Variants in LTBP1 observed in about 807,000 individuals in gnomAD.
LTBP1 encodes latent-transforming growth factor beta-binding protein 1.
A neutral mutation model predicts 207.6 loss-of-function variants in LTBP1; 129 were observed. That is an observed-to-expected ratio of 0.62 (90% CI 0.54 to 0.72). LTBP1 has a LOEUF of 0.72. Among genes scored for constraint, LTBP1 ranks in the 30% least tolerant of loss-of-function variants. LTBP1 has a pLI of 0.00. For missense variants in LTBP1, 2,281 were observed against 2,217.2 expected (o/e 1.03, Z -0.58); for synonymous variants, 963 against 833.7 (o/e 1.16, Z -2.67).
At chr2:33,206,516 G>A (rs1396527534) in intron 7 of LTBP1, among the ~76,000 whole-genome samples, 5 of 152,032 alleles carry the variant, frequency 3.3e-5, no homozygotes, top group East Asian at 3.9e-4. Context: ...CGAGGCGGGC[G>A]GATCACGAGG....
chr2:33,175,544 A>C (rs1051138491), intron 5 of LTBP1, among the ~76,000 whole-genome samples: 1 of 152,228 alleles, frequency 6.6e-6, no homozygotes, highest in Non-Finnish European at 1.5e-5. Context: ...GAAAGCTTTT[A>C]CACTGTTGGT....
At chr2:33,228,111 C>G (rs2091557401) in intron 9 of LTBP1, among the ~76,000 whole-genome samples, 1 of 151,996 alleles carries the variant, frequency 6.6e-6, no homozygotes, top group African/African-American at 2.4e-5. Context: ...GGCCAAGAAG[C>G]TCTTATTATA....
chr2:33,377,851 A>G (rs183115413), intron 31 of LTBP1, among the ~76,000 whole-genome samples: 21 of 152,268 alleles, frequency 1.4e-4, no homozygotes, highest in Admixed American at 7.8e-4. Flanking sequence ...GGACAGAAGG[A>G]GAGAAAGAGC....
At chr2:33,150,227 G>A (rs900341480) in intron 5 of LTBP1, among the ~76,000 whole-genome samples, 30 of 152,064 alleles carry the variant, frequency 2.0e-4, no homozygotes, top group African/African-American at 7.3e-4. Context: ...CATCTTGCCT[G>A]GGAGACTTGG....
chr2:33,315,223 C>T lies in LTBP1; in HGVS notation c.3684C>T (p.Val1228=), dbSNP rs780680114. 6.2e-7 allele frequency: 1 copy of T among 1,613,760 alleles called. No individual in the cohort carries two copies. Among genetic ancestry groups the T allele is most frequent in the Non-Finnish European group, 8.5e-7 (1 of 1,179,914 alleles). ...CLNTEGSFHC[V]CQQGFSISAD... is the part of the protein sequence containing the mutation. Reference sequence around the variant, plus strand: ...ACACAGAGGGTTCTTTCCATTGTGTCTGCCAGCAGGGTTTCTCAATCTCTG... The same window carrying T: ...ACACAGAGGGTTCTTTCCATTGTGTTTGCCAGCAGGGTTTCTCAATCTCTG... Residue 1228 remains valine (V), a synonymous_variant, in exon 24 of 34, where the codon GTC becomes GTT. Coordinates refer to ENST00000404816, the MANE Select transcript of LTBP1 (RefSeq NM_206943.4).
intron 3 of LTBP1, among the ~76,000 whole-genome samples, chr2:33,065,710 C>A (rs1288578507): frequency 6.6e-6 from 1 of 152,080 alleles, no homozygotes; most frequent in Non-Finnish European, 1.5e-5. Context: ...GTTATGATGG[C>A]CTCCAAAAAC....
At chr2:33,135,489 G>A (rs4670256) in intron 5 of LTBP1, among the ~76,000 whole-genome samples, 18,362 of 152,142 alleles carry the variant, frequency 0.12, 1,714 homozygotes, top group East Asian at 0.48. Flanking sequence ...TTTCTGCTCC[G>A]TCTCACAAGA....
chr2:33,151,707 T>A (rs1184059066), intron 5 of LTBP1, among the ~76,000 whole-genome samples: 1 of 152,136 alleles, frequency 6.6e-6, no homozygotes, highest in African/African-American at 2.4e-5. Context: ...AGTGAAAACA[T>A]ACGATGTTTG....
intron 15 of LTBP1, among the ~76,000 whole-genome samples, chr2:33,272,158 T>A (rs1304110129): frequency 6.6e-6 from 1 of 152,196 alleles, no homozygotes; most frequent in Non-Finnish European, 1.5e-5. Context: ...TTATGAAAAA[T>A]GAAGCATGTG....
At chr2:33,094,971 A>G (rs1221214007) in intron 3 of LTBP1, among the ~76,000 whole-genome samples, 2 of 152,234 alleles carry the variant, frequency 1.3e-5, no homozygotes, top group African/African-American at 4.8e-5. Context: ...TATACACTAT[A>G]TAGTTTTTCT....
At position 33,134,552 on chromosome 2, in the gene LTBP1, G is replaced by A; in HGVS notation, c.1034-241G>A. 6.6e-7 allele frequency: 1 copy of A among 1,525,358 alleles called. No homozygotes were observed. The highest frequency in any genetic ancestry group is 1.2e-5 in the South Asian group (1 of 82,950). The allele number at this position is 1,525,358 out of a possible 1,614,324, so 94.5% of individuals were successfully genotyped here. ...ACTCGACTTCAAATGTGGTTTTGGA[G>A]TGCATCCCAGAGTTCTGTTTGCTAA... On this transcript the variant is annotated intron_variant, in intron 4 of 33. Coordinates refer to ENST00000404816, the MANE Select transcript of LTBP1 (RefSeq NM_206943.4). The surrounding 1 kb of genome is among the most constrained non-coding windows in gnomAD (Gnocchi z 4.4).
At chr2:33,039,142 G>T (rs2149388184) in intron 3 of LTBP1, among the ~76,000 whole-genome samples, 1 of 152,300 alleles carries the variant, frequency 6.6e-6, no homozygotes. Context: ...ATTGGCCTTT[G>T]TGTGTTATAA....
Position 33,309,463 on chromosome 2 carries a change from G to A in LTBP1, c.3511G>A (p.Val1171Ile), listed in dbSNP as rs1478821954. Reference sequence around the variant, plus strand: ...CAATGAATGCTTGGAGGACAAGAGTGTTTGCCAGAGAGGAGACTGCATTAA... The same window carrying A: ...CAATGAATGCTTGGAGGACAAGAGTATTTGCCAGAGAGGAGACTGCATTAA... ...DINECLEDKS[V>I]CQRGDCINTA... The change falls in exon 23 of 34, where the codon GTT becomes ATT. Residue 1171 changes from valine to isoleucine, a missense_variant. Val to Ile is a conservative substitution (Grantham distance 29). Coordinates refer to ENST00000404816, the MANE Select transcript of LTBP1 (RefSeq NM_206943.4). The A allele has an allele frequency of 6.2e-7, 1 of 1,609,202 alleles. No homozygotes were observed. Among genetic ancestry groups the A allele is most frequent in the Admixed American group, 1.7e-5 (1 of 59,012 alleles).
chr2:33,301,577 T>G lies in LTBP1; in HGVS notation c.3414T>G (p.Thr1138=). 1 of 1,613,272 alleles carries G rather than the reference T, an allele frequency of 6.2e-7. No individual in the cohort carries two copies. The highest frequency in any genetic ancestry group is 8.5e-7 in the Non-Finnish European group (1 of 1,179,618). The change falls in exon 22 of 34, where the codon ACT becomes ACG. Residue 1138 remains threonine (T), a synonymous_variant. Transcript: ENST00000404816. The stretch of plus-strand genomic sequence containing the variant: ...GTGCTCATGGGCAGTGCAGGAACAC[T>G]GAGGGCTCTTTTCAATGTGTGTGTG... The part of the protein sequence containing the change: ...HLCAHGQCRN[T]EGSFQCVCDQ...
intron 4 of LTBP1, among the ~76,000 whole-genome samples, chr2:33,112,901 A>G (rs2080500895): frequency 1.3e-5 from 2 of 152,242 alleles, no homozygotes; most frequent in Admixed American, 6.5e-5. Context: ...AAGCTTTTAT[A>G]GCATCTTCAT....
intron 10 of LTBP1, among the ~76,000 whole-genome samples, chr2:33,251,659 A>G (rs1326928247): frequency 1.8e-5 from 2 of 111,658 alleles, no homozygotes; most frequent in African/African-American, 4.5e-5. Context: ...AGTGAGACTC[A>G]GTCTCAAAAA....
intron 5 of LTBP1, among the ~76,000 whole-genome samples, chr2:33,182,735 CAGACATAT>C (rs776265893): frequency 0.03 from 2,558 of 84,672 alleles, 333 homozygotes; most frequent in African/African-American, 0.1. Context: ...CACACACACA[CAGACATAT>C]ATATGTATGT....
In LTBP1 at chr2:33,214,573, G is replaced by A. The variant is rs1391840312; in HGVS notation, c.1702-2979G>A. On this transcript the variant is annotated intron_variant, in intron 7 of 33. Transcript: ENST00000404816. Reference sequence around the variant, plus strand: ...GAGACTGTTCATCTGTGGCCCTGCCGCTGTTCCAACCTCGGGGACTTTCCC... The same window carrying A: ...GAGACTGTTCATCTGTGGCCCTGCCACTGTTCCAACCTCGGGGACTTTCCC... 2.0e-5 allele frequency among the ~76,000 whole-genome samples: 3 copies of A among 152,090 alleles called. No individual in the cohort carries two copies. The South Asian group carries it at 6.2e-4, about 32-fold the overall frequency.
chr2:32,986,406 T>C (rs1683574537), intron 2 of LTBP1, among the ~76,000 whole-genome samples: 1 of 152,150 alleles, frequency 6.6e-6, no homozygotes, highest in Non-Finnish European at 1.5e-5. Context: ...ACAGACTGAC[T>C]TAAATAAAAG....
Sources: gnomAD v4.1 joint callset for allele counts (sites outside exome capture counted in the v4.1 genomes callset) on GRCh38, gnomAD v4.1.1 for gene constraint, Gnocchi (gnomAD v3.1) non-coding constraint, MANE v1.5 for transcripts, NCBI Gene and HGNC (gene_info 2026-07-23, HGNC 2026-07-21) for gene names.